Variants in CD59 observed in about 807,000 individuals in gnomAD.
The protein encoded by CD59 is CD59 glycoprotein.
CD59 carries 3 observed loss-of-function variants against 7.0 expected under a neutral mutation model. That is an observed-to-expected ratio of 0.43 (90% confidence interval 0.19 to 1.10). The LOEUF is 1.10. Among genes scored for constraint, CD59 ranks in the 50% least tolerant of loss-of-function variants. CD59 has a pLI of 0.29. For missense variants in CD59, 143 were observed against 151.0 expected (o/e 0.95, Z 0.28); for synonymous variants, 60 against 62.0 (o/e 0.97, Z 0.15).
intron 3 of CD59, among the ~76,000 whole-genome samples, chr11:33,716,154 G>A (rs1292856592): frequency 6.6e-6 from 1 of 152,188 alleles, no homozygotes; most frequent in East Asian, 1.9e-4. Flanking sequence ...TGAATGGAAG[G>A]TTTGGAGTTT....
intron 3 of CD59, among the ~76,000 whole-genome samples, chr11:33,714,320 C>A (rs1853690529): frequency 6.6e-6 from 1 of 152,152 alleles, no homozygotes; most frequent in Non-Finnish European, 1.5e-5. Flanking sequence ...AACTGTAATG[C>A]AGTGGTAAAT....
At chr11:33,722,056 G>A (rs776092846) in intron 2 of CD59, among the ~76,000 whole-genome samples, 2 of 152,116 alleles carry the variant, frequency 1.3e-5, no homozygotes, top group South Asian at 4.1e-4. Flanking sequence ...AAAGGGACTT[G>A]CACAGCACTC....
At position 33,729,515 on chromosome 11, in the gene CD59, C is replaced by T. The variant is rs564794043; in HGVS notation, c.-19+6867G>A. Among the ~76,000 whole-genome samples, 16 of 146,662 alleles carry T rather than the reference C, an allele frequency of 1.1e-4. No homozygotes were observed. In the South Asian group the frequency reaches 3.8e-3, roughly 35 times the overall value. On this transcript the variant is annotated intron_variant, in intron 1 of 3. Coordinates refer to ENST00000642928, the MANE Select transcript of CD59 (RefSeq NM_000611.6). ...GGGAACATCAGACACCAGGGCCTGT[C>T]GGGAGTTGGGGGGTGGGGGAGGGAT...
intron 1 of CD59, among the ~76,000 whole-genome samples, chr11:33,723,694 G>T (rs1854164815): frequency 6.6e-6 from 1 of 152,192 alleles, no homozygotes; most frequent in Non-Finnish European, 1.5e-5. Context: ...CTTCCCAGGA[G>T]ACCTGGGCTC....
chr11:33,713,902 C>T (rs112071524), intron 3 of CD59, among the ~76,000 whole-genome samples: 26 of 152,314 alleles, frequency 1.7e-4, no homozygotes, highest in African/African-American at 5.5e-4. Context: ...GTTTTCTCCT[C>T]CTCACTCTTT....
rs1207861219 is a variant in CD59, at chr11:33,706,570, A to AAC, written c.*3555_*3556insGT. ...AGGGTTTAAAAAAAAAAAAAAAAAA[A>AAC]AACTTGTCCAGAGACATAGCCAATT... On this transcript the variant is annotated 3_prime_UTR_variant, in exon 4 of 4. Transcript: ENST00000642928. 3.3e-5 allele frequency: 5 copies of AAC among 151,960 alleles called. No homozygotes were observed. The highest frequency in any genetic ancestry group is 4.8e-5 in the African/African-American group (2 of 41,404). The allele number at this position is 151,960 out of a possible 1,614,324, so 9.4% of individuals were successfully genotyped here. A position where few individuals can be genotyped will look rare whatever the true frequency, so the allele number is the denominator to read the frequency against.
intron 3 of CD59, among the ~76,000 whole-genome samples, chr11:33,714,510 G>T (rs915398985): frequency 1.3e-5 from 2 of 152,174 alleles, no homozygotes; most frequent in African/African-American, 4.8e-5. Flanking sequence ...CACTACTGTA[G>T]ATGTTTTAAA....
chr11:33,722,327 G>T, intron 2 of CD59, 52 bp downstream of exon 2: 1 of 1,312,708 alleles, frequency 7.6e-7, no homozygotes, highest in South Asian at 1.2e-5. Flanking sequence ...CTTAAGAAGG[G>T]AGTTCATGGC....
intron 3 of CD59, among the ~76,000 whole-genome samples, chr11:33,716,805 T>C (rs1207484737): frequency 1.3e-5 from 2 of 152,174 alleles, no homozygotes; most frequent in Non-Finnish European, 2.9e-5. Context: ...AGGCACACCC[T>C]TCCCTTCTTA....
At chr11:33,716,527 C>A (rs755970262) in intron 3 of CD59, among the ~76,000 whole-genome samples, 4 of 152,200 alleles carry the variant, frequency 2.6e-5, no homozygotes, top group Non-Finnish European at 5.9e-5. Flanking sequence ...AACTGCCATT[C>A]CTCGCTGGCA....
At chr11:33,734,319 T>C (rs1854502136) in intron 1 of CD59, among the ~76,000 whole-genome samples, 1 of 152,272 alleles carries the variant, frequency 6.6e-6, no homozygotes, top group Non-Finnish European at 1.5e-5. Context: ...CTTTGTGTGA[T>C]ATACATATAA....
At chr11:33,713,570 C>T (rs561032640) in intron 3 of CD59, among the ~76,000 whole-genome samples, 1 of 152,282 alleles carries the variant, frequency 6.6e-6, no homozygotes, top group East Asian at 1.9e-4. Context: ...TAACTGGAAG[C>T]TTCTAATATT....
intron 1 of CD59, among the ~76,000 whole-genome samples, chr11:33,724,734 C>T (rs547627281): frequency 9.9e-5 from 15 of 152,124 alleles, no homozygotes; most frequent in Admixed American, 5.2e-4. Flanking sequence ...AGGAAGCCCT[C>T]AGTTTTCTGG....
intron 3 of CD59, 65 bp downstream of exon 3, chr11:33,717,305 A>C (rs1853837891): frequency 1.0e-6 from 1 of 987,834 alleles, no homozygotes; most frequent in African/African-American, 1.6e-5. Flanking sequence ...TTACAGTGGC[A>C]CAATTTTTTT....
rs181012235 is a variant in CD59, at chr11:33,710,077, C to T, written c.*49G>A. ...TTTAGAATGTGGCAGCAAGAGAAAG[C>T]GGACTACGCAGGAACGGGGAGTTTG... On this transcript the variant is annotated 3_prime_UTR_variant, in exon 4 of 4. Coordinates refer to ENST00000642928, the MANE Select transcript of CD59 (RefSeq NM_000611.6). 180 of 1,347,968 alleles carry T rather than the reference C, an allele frequency of 1.3e-4. No homozygotes were observed. In the African/African-American group the frequency reaches 1.8e-3, roughly 13 times the overall value. 83.5% of individuals were successfully genotyped at this position (1,347,968 alleles called of 1,614,324 possible).
chr11:33,733,599 A>G (rs1854479540), intron 1 of CD59: 1 of 152,152 alleles, frequency 6.6e-6, no homozygotes, highest in South Asian at 2.1e-4. Context: ...CAGCTTGGGC[A>G]ACAGAGAGAG....
chr11:33,724,511 T>C (rs1163349541), intron 1 of CD59, among the ~76,000 whole-genome samples: 1 of 152,170 alleles, frequency 6.6e-6, no homozygotes, highest in East Asian at 1.9e-4. Context: ...ATGTACTGCA[T>C]AGCACAATGC....
At chr11:33,720,030 C>G (rs1039928425) in intron 2 of CD59, among the ~76,000 whole-genome samples, 1 of 152,158 alleles carries the variant, frequency 6.6e-6, no homozygotes, top group African/African-American at 2.4e-5. Flanking sequence ...TGGCTAGATC[C>G]CGGGCTCATT....
At chr11:33,719,938 T>A (rs1218887314) in intron 2 of CD59, among the ~76,000 whole-genome samples, 1 of 152,230 alleles carries the variant, frequency 6.6e-6, no homozygotes, top group Non-Finnish European at 1.5e-5. Flanking sequence ...GAAAAGAGTC[T>A]AAGATGAAGG....
Sources: allele counts gnomAD v4.1 joint callset (sites outside exome capture counted in the v4.1 genomes callset), GRCh38; gene constraint gnomAD v4.1.1; transcripts MANE v1.5; gene names NCBI Gene and HGNC (gene_info 2026-07-23, HGNC 2026-07-21).